The following CEP250 variants were observed in gnomAD, a reference collection of about 807,000 sequenced individuals.
CEP250 encodes the protein centrosomal protein 250.
A neutral mutation model predicts 315.7 loss-of-function variants in CEP250; 242 were observed. The ratio of observed to expected loss-of-function variants is 0.77; its 90% CI spans 0.69 to 0.85. CEP250 has a LOEUF of 0.85. Among genes scored for constraint, CEP250 ranks in the 40% least tolerant of loss-of-function variants. The pLI is 0.00. For synonymous variants in CEP250, 1,088 were observed against 1,175.0 expected (o/e 0.93, Z 1.51); for missense variants, 2,515 against 2,886.4 (o/e 0.87, Z 2.95).
chr20:35,512,296 G>C lies in CEP250; in HGVS notation c.*670G>C, dbSNP rs1881621215. On this transcript the variant is annotated 3_prime_UTR_variant, in exon 35 of 35. Coordinates refer to ENST00000397527, the MANE Select transcript of CEP250 (RefSeq NM_007186.6). ...CCTTGAAAGATGGAGTGGGGTTGGA[G>C]GTGTTGCCAAGCACACAGTGAGAAG... 1.3e-5 allele frequency: 2 copies of C among 153,440 alleles called. No homozygotes were observed. Among genetic ancestry groups the C allele is most frequent in the Admixed American group, 1.3e-4 (2 of 15,274 alleles). The allele number at this position is 153,440 out of a possible 1,614,324, so 9.5% of individuals were successfully genotyped here.
chr20:35,472,252 G>A (rs182653847), intron 11 of CEP250, 101 bp downstream of exon 11: 20 of 754,720 alleles, frequency 2.6e-5, no homozygotes, highest in Middle Eastern at 2.5e-4. Flanking sequence ...TCTGAGGTTC[G>A]GGTGCTTAAA....
In CEP250 at chr20:35,503,369, T is replaced by A. The variant is rs749536421; in HGVS notation, c.5000T>A (p.Ile1667Asn). ...DQELMLQKER[I>N]QVLEDQRTRQ... ...GAGCTGATGCTGCAGAAGGAGAGGA[T>A]TCAGGTTCTCGAGGATCAGAGGACC... Residue 1667 changes from isoleucine to asparagine, a missense_variant, in exon 30 of 35, where the codon ATT becomes AAT. Ile to Asn is a moderately radical substitution (Grantham distance 149). Transcript: ENST00000397527. This position sits in a 1 kb window ranked among gnomAD's most constrained non-coding sequence, Gnocchi z 4.2. The A allele has an allele frequency of 1.1e-5, 18 of 1,613,778 alleles. No homozygotes were observed. Among genetic ancestry groups the A allele is most frequent in the Non-Finnish European group, 1.5e-5 (18 of 1,179,974 alleles).
Position 35,479,701 on chromosome 20 carries a change from G to A in CEP250, c.2344G>A (p.Val782Met), listed in dbSNP as rs768394356. The change falls in exon 19 of 35, where the codon GTG (valine) becomes ATG (methionine). Residue 782 changes from valine (V) to methionine (M), a missense_variant. Transcript: ENST00000397527. ...SLFEAQQQNS[V>M]IEVTKGQLEV... Reference sequence around the variant, plus strand: ...GTTTGAAGCCCAACAACAAAATTCTGTGATAGAGGTCACCAAGGGGCAGCT... The same window carrying A: ...GTTTGAAGCCCAACAACAAAATTCTATGATAGAGGTCACCAAGGGGCAGCT... 1 of 1,614,168 alleles carries A rather than the reference G, an allele frequency of 6.2e-7. No homozygotes were observed. The highest frequency in any genetic ancestry group is 8.5e-7 in the Non-Finnish European group (1 of 1,180,030).
At position 35,513,072 on chromosome 20, in the gene CEP250, C is replaced by A. The variant is rs2064392003; in HGVS notation, c.*1446C>A. 6.6e-6 allele frequency: 1 copy of A among 152,182 alleles called. No individual in the cohort carries two copies. Among genetic ancestry groups the A allele is most frequent in the Admixed American group, 6.5e-5 (1 of 15,280 alleles). 9.4% of individuals were successfully genotyped at this position (152,182 alleles called of 1,614,324 possible). ...CACACAGAGTGGAAATGGGGCTGTT[C>A]ACAGCGACTAGAGCTTTGTTCCAGA... On this transcript the variant is annotated 3_prime_UTR_variant, in exon 35 of 35. Coordinates refer to ENST00000397527, the MANE Select transcript of CEP250 (RefSeq NM_007186.6).
At chr20:35,479,540 G>GC (rs1421462930) in intron 18 of CEP250, 106 bp from the exon 19 acceptor site, 3 of 1,543,760 alleles carry the variant, frequency 1.9e-6, no homozygotes, top group African/African-American at 2.8e-5. Context: ...ATTTATAATT[G>GC]CCCCCCTAAC....
At chr20:35,456,784 C>A (rs191059851) in intron 1 of CEP250, among the ~76,000 whole-genome samples, 14 of 140,594 alleles carry the variant, frequency 1.0e-4, no homozygotes, top group African/African-American at 2.9e-4. Context: ...TGCCTCCCCC[C>A]ACTTTTTTTT....
chr20:35,502,972 G>A lies in CEP250; in HGVS notation c.4603G>A (p.Asp1535Asn), dbSNP rs1284840713. 1.2e-6 allele frequency: 2 copies of A among 1,614,188 alleles called. No individual in the cohort carries two copies. Among genetic ancestry groups the A allele is most frequent in the African/African-American group, 1.3e-5 (1 of 75,058 alleles). ...EHQLLELEKK[D>N]QMIESQRGQV... is the part of the protein sequence containing the mutation. ...TCAGCTTCTAGAACTTGAGAAGAAA[G>A]ACCAAATGATTGAGTCCCAGAGAGG... The change falls in exon 30 of 35, where the codon GAC (aspartate) becomes AAC (asparagine). Residue 1535 changes from aspartate (D) to asparagine (N), a missense_variant. Physicochemically the swap from Asp to Asn is conservative, Grantham distance 23. Transcript: ENST00000397527.
At chr20:35,470,065 A>G (rs778433318) in intron 10 of CEP250, 79 bp downstream of exon 10, 17 of 898,966 alleles carry the variant, frequency 1.9e-5, no homozygotes, top group Non-Finnish European at 2.7e-5. Context: ...ATAGTGCAGG[A>G]TACCAGTTAC....
At chr20:35,510,166 G>A in intron 34 of CEP250, 112 bp downstream of exon 34, 1 of 996,048 alleles carries the variant, frequency 1.0e-6, no homozygotes. Flanking sequence ...AGTCTCCATG[G>A]GAGGCAAAAA....
chr20:35,467,179 G>GGGGGGCGCCCCCCCC, intron 8 of CEP250, 107 bp downstream of exon 8: 1 of 534,910 alleles, frequency 1.9e-6, no homozygotes, highest in Non-Finnish European at 3.5e-6. Flanking sequence ...GGTGGGTGGG[G>GGGGGGCGCCCCCCCC]GAGTTGGTAG....
intron 17 of CEP250, among the ~76,000 whole-genome samples, chr20:35,478,664 A>G (rs2063244769): frequency 6.6e-6 from 1 of 152,246 alleles, no homozygotes; most frequent in Non-Finnish European, 1.5e-5. Context: ...CCTCATGCTT[A>G]TTTTAACTAC....
At chr20:35,474,241 T>C (rs762723595) in intron 14 of CEP250, among the ~76,000 whole-genome samples, 189 bp downstream of exon 14, 4 of 152,204 alleles carry the variant, frequency 2.6e-5, no homozygotes, top group Non-Finnish European at 5.9e-5. Context: ...TAAGTCTTAG[T>C]TGAGCACCCA....
chr20:35,515,903 T>C lies in CEP250; in HGVS notation c.*4277T>C, dbSNP rs574885034. On this transcript the variant is annotated 3_prime_UTR_variant, in exon 35 of 35. Transcript: ENST00000397527. ...GGTCCTGAGGCCCTTTTACTCCCTCTACCCTGCTGGAGGTGAGGATGAGAG... is the reference window on the plus strand; with the variant it reads ...GGTCCTGAGGCCCTTTTACTCCCTCCACCCTGCTGGAGGTGAGGATGAGAG... The C allele has an allele frequency of 6.6e-6, 1 of 152,398 alleles. No individual in the cohort carries two copies. Among genetic ancestry groups the C allele is most frequent in the South Asian group, 2.1e-4 (1 of 4,822 alleles). The allele number at this position is 152,398 out of a possible 1,614,324, so 9.4% of individuals were successfully genotyped here.
intron 5 of CEP250, 23 bp from the exon 6 acceptor site, chr20:35,465,720 A>T (rs374695343): frequency 6.4e-7 from 1 of 1,554,228 alleles, no homozygotes; most frequent in Non-Finnish European, 8.7e-7. Context: ...GAGGTAAGTA[A>T]GGCTTGTCTC....
Position 35,475,557 on chromosome 20 carries a change from A to T in CEP250, c.1627A>T (p.Ile543Phe). The T allele has an allele frequency of 6.2e-7, 1 of 1,614,168 alleles. No homozygotes were observed. Among genetic ancestry groups the T allele is most frequent in the Non-Finnish European group, 8.5e-7 (1 of 1,180,034 alleles). The change falls in exon 15 of 35, where the codon ATC becomes TTC. Residue 543 changes from isoleucine to phenylalanine, a missense_variant. Ile to Phe is a conservative substitution (Grantham distance 21). Coordinates refer to ENST00000397527, the MANE Select transcript of CEP250 (RefSeq NM_007186.6). ...ACAGTCAGAATCACTCAGTGAACTG[A>T]TCACTCTTCGGGAAGCCCTGGAGTC... The part of the protein sequence containing the change: ...AKQSESLSEL[I>F]TLREALESSH...
At position 35,487,922 on chromosome 20, in the gene CEP250, A is replaced by G. The variant is rs973925877; in HGVS notation, c.2587-2715A>G. Among the ~76,000 whole-genome samples the G allele has an allele frequency of 5.3e-5, 8 of 152,212 alleles. 1 individual carries two copies. Among genetic ancestry groups the G allele is most frequent in the Non-Finnish European group, 1.0e-4 (7 of 68,044 alleles). Reference sequence around the variant, plus strand: ...TGCTTAGCTGCTATTGTATTCCATCACTTGGCTGCCCATTTATTTTAGATA... The same window carrying G: ...TGCTTAGCTGCTATTGTATTCCATCGCTTGGCTGCCCATTTATTTTAGATA... On this transcript the variant is annotated intron_variant, in intron 20 of 34. Transcript: ENST00000397527.
In CEP250 at chr20:35,467,463, C is replaced by T. The variant is rs770359412; in HGVS notation, c.759C>T (p.Thr253=). The change falls in exon 9 of 35, where the codon ACC becomes ACT. Residue 253 remains threonine (T), a synonymous_variant. Coordinates refer to ENST00000397527, the MANE Select transcript of CEP250 (RefSeq NM_007186.6). ...AGCTGCTGCTGCTACTAGCCAAGAC[C>T]CAGGAGCTGGAGAAGGAAGCCCATG... The part of the protein sequence containing the change: ...PAQLLLLLAK[T]QELEKEAHER... The T allele has an allele frequency of 3.7e-6, 6 of 1,614,090 alleles. No homozygotes were observed. The highest frequency in any genetic ancestry group is 5.1e-6 in the Non-Finnish European group (6 of 1,180,024).
Position 35,466,036 on chromosome 20 carries a change from C to T in CEP250, c.327-3C>T. 6.2e-7 allele frequency: 1 copy of T among 1,614,110 alleles called. No homozygotes were observed. Among genetic ancestry groups the T allele is most frequent in the Non-Finnish European group, 8.5e-7 (1 of 1,179,986 alleles). On this transcript the variant is annotated splice_polypyrimidine_tract_variant and splice_region_variant and intron_variant, in intron 6 of 34. Coordinates refer to ENST00000397527, the MANE Select transcript of CEP250 (RefSeq NM_007186.6). Reference sequence around the variant, plus strand: ...CACCCACTTTTACCCCTCCCCAGTGCAGGTGTGAGAGTCTAGCAGAGGTGA... The same window carrying T: ...CACCCACTTTTACCCCTCCCCAGTGTAGGTGTGAGAGTCTAGCAGAGGTGA...
At position 35,466,215 on chromosome 20, in the gene CEP250, C is replaced by T. The variant is rs200952347; in HGVS notation, c.492+11C>T. On this transcript the variant is annotated intron_variant, in intron 7 of 34. Transcript: ENST00000397527. The stretch of plus-strand genomic sequence containing the variant: ...CAGATGGAGCAGGAGGTAGGAAGAA[C>T]GGGGACTGGAACTGTGAGAGGAAGC... 1.2e-5 allele frequency: 19 copies of T among 1,571,794 alleles called. No individual in the cohort carries two copies. The highest frequency in any genetic ancestry group is 7.1e-5 in the East Asian group (3 of 42,360).
Sources: gnomAD v4.1 joint callset for allele counts (sites outside exome capture counted in the v4.1 genomes callset) on GRCh38, gnomAD v4.1.1 for gene constraint, Gnocchi (gnomAD v3.1) non-coding constraint, MANE v1.5 for transcripts, NCBI Gene and HGNC (gene_info 2026-07-23, HGNC 2026-07-21) for gene names.